Variants in LOC128462377 observed in about 807,000 individuals in gnomAD.
chr16:89,348,397 T>C, the LOC128462377 span, among the ~76,000 whole-genome samples: 1 of 152,226 alleles, frequency 6.6e-6, no homozygotes, highest in Non-Finnish European at 1.5e-5. Context: ...CTATCTCCTA[T>C]AACTTAAATT....
chr16:89,408,709 T>C, the LOC128462377 span, among the ~76,000 whole-genome samples: 2 of 151,690 alleles, frequency 1.3e-5, no homozygotes, highest in Non-Finnish European at 2.9e-5. Context: ...ACCTCTGGCC[T>C]CAGAGTCCCC....
chr16:89,410,561 C>T, the LOC128462377 span, among the ~76,000 whole-genome samples: 1 of 152,154 alleles, frequency 6.6e-6, no homozygotes, highest in African/African-American at 2.4e-5. Flanking sequence ...CTGCCCTCTG[C>T]TTACTGCTCT....
the LOC128462377 span, among the ~76,000 whole-genome samples, chr16:89,357,184 C>T: frequency 6.6e-6 from 1 of 152,198 alleles, no homozygotes; most frequent in Non-Finnish European, 1.5e-5. Flanking sequence ...CTACAACACA[C>T]CTTCGAAGAT....
the LOC128462377 span, among the ~76,000 whole-genome samples, chr16:89,368,536 C>T: frequency 6.6e-6 from 1 of 150,788 alleles, no homozygotes; most frequent in Non-Finnish European, 1.5e-5. Context: ...TTCTTTTGTG[C>T]AGCATTTTCT....
the LOC128462377 span, among the ~76,000 whole-genome samples, chr16:89,406,468 G>A: frequency 8.5e-5 from 13 of 152,212 alleles, no homozygotes; most frequent in African/African-American, 3.1e-4. Flanking sequence ...ACGGGCAAAG[G>A]AGCCACCGTG....
At chr16:89,417,185 G>A in the LOC128462377 span, among the ~76,000 whole-genome samples, 2 of 152,216 alleles carry the variant, frequency 1.3e-5, no homozygotes, top group South Asian at 2.1e-4. Context: ...AAAGTGGCCT[G>A]ACTCCAGGCG....
At chr16:89,324,718 CTTG>C in the LOC128462377 span, 1 of 340,400 alleles carries the variant, frequency 2.9e-6, no homozygotes, top group Non-Finnish European at 5.7e-6. Flanking sequence ...CTTTTGGGTT[CTTG>C]GACCTACACC....
the LOC128462377 span, among the ~76,000 whole-genome samples, chr16:89,333,362 G>A: frequency 6.6e-6 from 1 of 152,162 alleles, no homozygotes. Context: ...GACCCCCCTG[G>A]ACACAGCATC....
At chr16:89,362,399 A>C in the LOC128462377 span, among the ~76,000 whole-genome samples, 4 of 152,182 alleles carry the variant, frequency 2.6e-5, no homozygotes, top group Non-Finnish European at 5.9e-5. Flanking sequence ...AGAGTGCACG[A>C]AAGTTCCATC....
the LOC128462377 span, among the ~76,000 whole-genome samples, chr16:89,398,525 T>C: frequency 6.6e-6 from 1 of 152,190 alleles, no homozygotes; most frequent in Non-Finnish European, 1.5e-5. Context: ...GAGACCAGCC[T>C]GGGCAACACA....
At chr16:89,382,903 T>G in the LOC128462377 span, among the ~76,000 whole-genome samples, 1 of 151,738 alleles carries the variant, frequency 6.6e-6, no homozygotes, top group Non-Finnish European at 1.5e-5. Context: ...TGCAGCAGCA[T>G]GATCTCGGCT....
chr16:89,360,307 A>G, the LOC128462377 span, among the ~76,000 whole-genome samples: 3,797 of 152,240 alleles, frequency 0.025, 170 homozygotes, highest in African/African-American at 0.088. Context: ...ATGTTGCCCA[A>G]GCTGGCCTGA....
chr16:89,328,322 A>G, the LOC128462377 span, among the ~76,000 whole-genome samples: 2 of 152,182 alleles, frequency 1.3e-5, no homozygotes, highest in South Asian at 2.1e-4. Flanking sequence ...TTGCTGCCCC[A>G]CTCAACAACT....
At chr16:89,338,028 T>A in the LOC128462377 span, among the ~76,000 whole-genome samples, 1 of 152,220 alleles carries the variant, frequency 6.6e-6, no homozygotes, top group African/African-American at 2.4e-5. Context: ...GGTGCCAGTA[T>A]CATGGTGACT....
At chr16:89,401,568 A>C in the LOC128462377 span, among the ~76,000 whole-genome samples, 3 of 152,150 alleles carry the variant, frequency 2.0e-5, no homozygotes, top group East Asian at 5.8e-4. Context: ...GGCGATTTTT[A>C]CTTTCTTCTC....
chr16:89,387,178 T>C, the LOC128462377 span, among the ~76,000 whole-genome samples: 4 of 150,410 alleles, frequency 2.7e-5, no homozygotes, highest in African/African-American at 7.4e-5. Flanking sequence ...GAAGGCCCAC[T>C]AAGGACACTG....
chr16:89,393,315 T>A, the LOC128462377 span, among the ~76,000 whole-genome samples: 15 of 131,058 alleles, frequency 1.1e-4, no homozygotes, highest in African/African-American at 3.8e-4. Context: ...TTTATTTTTA[T>A]TTTTTTTTTT....
At chr16:89,408,995 C>A in the LOC128462377 span, among the ~76,000 whole-genome samples, 1 of 152,176 alleles carries the variant, frequency 6.6e-6, no homozygotes, top group African/African-American at 2.4e-5. Context: ...GCGGCCCCAA[C>A]CCTGCCTCTG....
At chr16:89,357,180 C>G in the LOC128462377 span, among the ~76,000 whole-genome samples, 3 of 152,228 alleles carry the variant, frequency 2.0e-5, no homozygotes, top group East Asian at 5.8e-4. Context: ...AGAGCTACAA[C>G]ACACCTTCGA....
Sources: allele counts gnomAD v4.1 joint callset (sites outside exome capture counted in the v4.1 genomes callset), GRCh38; gene constraint gnomAD v4.1.1; transcripts MANE v1.5.